Variants in LSP1 observed in about 807,000 individuals in gnomAD.
The protein encoded by LSP1 is lymphocyte-specific protein 1.
A neutral mutation model predicts 49.3 loss-of-function variants in LSP1; 32 were observed. The ratio of observed to expected loss-of-function variants is 0.65; its 90% CI spans 0.49 to 0.87. The LOEUF (loss-of-function observed/expected upper bound fraction) is 0.87. Ranked by LOEUF, LSP1 falls within the 40% of genes least tolerant of loss-of-function variation. The pLI is 0.00. For synonymous variants in LSP1, 179 were observed against 178.8 expected (o/e 1.00, Z -0.01); for missense variants, 428 against 442.6 (o/e 0.97, Z 0.30).
chr11:1,853,532 A>T (rs1847413186), intron 1 of LSP1, among the ~76,000 whole-genome samples: 1 of 152,064 alleles, frequency 6.6e-6, no homozygotes, highest in Admixed American at 6.5e-5. Flanking sequence ...GGAGCTGGGG[A>T]CTGTGGGCCC....
intron 1 of LSP1, among the ~76,000 whole-genome samples, chr11:1,854,697 A>C (rs1415992870): frequency 1.3e-5 from 2 of 151,996 alleles, no homozygotes; most frequent in African/African-American, 4.8e-5. Flanking sequence ...TGCCCTGCCC[A>C]GGCCGTGTGC....
intron 3 of LSP1, among the ~76,000 whole-genome samples, chr11:1,882,874 C>T: frequency 6.6e-6 from 1 of 152,198 alleles, no homozygotes; most frequent in East Asian, 1.9e-4. Context: ...CAGAGCCGCT[C>T]AAAGCTGCCA....
chr11:1,870,066 G>A (rs975745773), intron 1 of LSP1: 5 of 442,930 alleles, frequency 1.1e-5, no homozygotes, highest in African/African-American at 2.0e-5. Context: ...ATAGGACTGC[G>A]CCCCTGGCGA....
chr11:1,853,172 G>A lies in LSP1; in HGVS notation c.28G>A (p.Ala10Thr), dbSNP rs753582906. The change falls in exon 1 of 11, where the codon GCC becomes ACC. Residue 10 changes from alanine to threonine, a missense_variant. By Grantham distance (58) the Ala-to-Thr change is moderately conservative. Coordinates refer to ENST00000311604, the MANE Select transcript of LSP1 (RefSeq NM_002339.3). ...GGCGGAGGCTTCGAGTGACCCGGGT[G>A]CCGAGGAGCGGGAAGAGTTGCTGGG... MAEASSDPG[A>T]EEREELLGPT... The A allele has an allele frequency of 2.5e-6, 4 of 1,611,610 alleles. No homozygotes were observed. The highest frequency in any genetic ancestry group is 2.2e-5 in the East Asian group (1 of 44,772).
intron 1 of LSP1, 150 bp downstream of exon 1, chr11:1,853,347 A>G: frequency 1.3e-6 from 1 of 786,040 alleles, no homozygotes; most frequent in Non-Finnish European, 2.0e-6. Context: ...GAAACTGGGG[A>G]CCCACAGACA....
At chr11:1,881,716 A>G (rs1848554485) in intron 3 of LSP1, 120 bp downstream of exon 3, 1 of 1,214,196 alleles carries the variant, frequency 8.2e-7, no homozygotes, top group Non-Finnish European at 1.1e-6. Flanking sequence ...TGGGCAGAGC[A>G]GGGCACCGCG....
intron 1 of LSP1, among the ~76,000 whole-genome samples, chr11:1,855,091 C>T (rs546207776): frequency 6.6e-6 from 1 of 152,162 alleles, no homozygotes; most frequent in East Asian, 1.9e-4. Context: ...AAAGCCTGGA[C>T]CCCCTCCTTG....
In LSP1 at chr11:1,884,395, A is replaced by G; in HGVS notation, c.635+72A>G. The stretch of plus-strand genomic sequence containing the variant: ...AACCAAGTGGGGGTTGAAGGGAGTC[A>G]CAAGGTAGAGATCTGGAGACCGAGG... On this transcript the variant is annotated intron_variant, in intron 6 of 10. Transcript: ENST00000311604. This position sits in a 1 kb window ranked among gnomAD's most constrained non-coding sequence, Gnocchi z 4.1. 6.2e-7 allele frequency: 1 copy of G among 1,610,870 alleles called. No individual in the cohort carries two copies. Among genetic ancestry groups the G allele is most frequent in the Non-Finnish European group, 8.5e-7 (1 of 1,177,198 alleles).
chr11:1,867,025 G>A, intron 1 of LSP1: 1 of 1,095,534 alleles, frequency 9.1e-7, no homozygotes, highest in Non-Finnish European at 1.3e-6. Flanking sequence ...CTCAGGGCCA[G>A]TCCCTGTGGA....
At chr11:1,889,215 C>G in intron 10 of LSP1, 1 of 675,002 alleles carries the variant, frequency 1.5e-6, no homozygotes, top group South Asian at 1.6e-5. Flanking sequence ...CAGGATGGAG[C>G]GGACTGTGGG....
At chr11:1,877,148 C>CG (rs1215773065) in intron 1 of LSP1, among the ~76,000 whole-genome samples, 9 of 152,278 alleles carry the variant, frequency 5.9e-5, no homozygotes, top group African/African-American at 1.4e-4. Context: ...GGCCGCTGGC[C>CG]GGGGGGCGCC....
intron 8 of LSP1, among the ~76,000 whole-genome samples, 182 bp downstream of exon 8, chr11:1,887,048 C>T (rs1198947084): frequency 2.6e-5 from 4 of 152,170 alleles, no homozygotes; most frequent in East Asian, 3.8e-4. Context: ...CTGTGTTGTC[C>T]GAGTGGAGGT....
chr11:1,872,274 TC>T (rs1848061702), intron 1 of LSP1, among the ~76,000 whole-genome samples: 2 of 131,042 alleles, frequency 1.5e-5, no homozygotes, highest in Non-Finnish European at 3.2e-5. Flanking sequence ...TTGGGGTCTG[TC>T]CGGCTGGCGT....
At chr11:1,855,679 C>A (rs1351002057) in intron 1 of LSP1, among the ~76,000 whole-genome samples, 1 of 152,230 alleles carries the variant, frequency 6.6e-6, no homozygotes, top group African/African-American at 2.4e-5. Context: ...GGCTGGACTG[C>A]GGTTCCTCCA....
rs1244893272 is a variant in LSP1, at chr11:1,881,605, G to A, written c.356+9G>A. 1 of 1,490,386 alleles carries A rather than the reference G, an allele frequency of 6.7e-7. No individual in the cohort carries two copies. Among genetic ancestry groups the A allele is most frequent in the South Asian group, 1.3e-5 (1 of 75,770 alleles). The allele number at this position is 1,490,386 out of a possible 1,614,324, so 92.3% of individuals were successfully genotyped here. ...GGGGAGCAAGAGGACAGGTGAGTGAGGGCCTCGAGGGCGGGCGCTGGGCAG... is the reference window on the plus strand; with the variant it reads ...GGGGAGCAAGAGGACAGGTGAGTGAAGGCCTCGAGGGCGGGCGCTGGGCAG... On this transcript the variant is annotated intron_variant, in intron 3 of 10. Coordinates refer to ENST00000311604, the MANE Select transcript of LSP1 (RefSeq NM_002339.3).
At chr11:1,875,547 T>C (rs1985624) in intron 1 of LSP1, among the ~76,000 whole-genome samples, 24,650 of 152,228 alleles carry the variant, frequency 0.16, 2,552 homozygotes, top group South Asian at 0.34. Context: ...GTTCAAGGCC[T>C]CCTCCTGCTC....
chr11:1,864,356 A>G, intron 1 of LSP1: 1 of 547,936 alleles, frequency 1.8e-6, no homozygotes, highest in Non-Finnish European at 2.3e-6. Flanking sequence ...GGAGGCGGCG[A>G]TGGGCAGAAT....
At chr11:1,863,135 C>G (rs1466776563) in intron 1 of LSP1, 1 of 147,474 alleles carries the variant, frequency 6.8e-6, no homozygotes, top group African/African-American at 2.7e-5. Flanking sequence ...GGTAGCCCAC[C>G]ACCTGAGTCA....
chr11:1,853,086 A>T lies in LSP1; in HGVS notation c.-59A>T. ...CGCCCCAGAAAGCACTGAAAGCCACAGCACGTACACCCACTCCAGGGATCT... is the reference window on the plus strand; with the variant it reads ...CGCCCCAGAAAGCACTGAAAGCCACTGCACGTACACCCACTCCAGGGATCT... On this transcript the variant is annotated 5_prime_UTR_variant, in exon 1 of 11. Transcript: ENST00000311604. The T allele has an allele frequency of 1.9e-6, 3 of 1,561,872 alleles. No individual in the cohort carries two copies. Among genetic ancestry groups the T allele is most frequent in the Non-Finnish European group, 2.6e-6 (3 of 1,147,468 alleles).
Sources: gnomAD v4.1 joint callset for allele counts (sites outside exome capture counted in the v4.1 genomes callset) on GRCh38, gnomAD v4.1.1 for gene constraint, Gnocchi (gnomAD v3.1) non-coding constraint, MANE v1.5 for transcripts, NCBI Gene and HGNC (gene_info 2026-07-23, HGNC 2026-07-21) for gene names.